Variants in XPO5 observed in about 807,000 individuals in gnomAD.
The protein encoded by XPO5 is exportin-5.
A neutral mutation model predicts 160.6 loss-of-function variants in XPO5; 46 were observed. That is an observed-to-expected ratio of 0.29 (90% confidence interval 0.23 to 0.37). The LOEUF (loss-of-function observed/expected upper bound fraction) is 0.37. Among genes scored for constraint, XPO5 ranks in the 10% least tolerant of loss-of-function variants. The probability of loss-of-function intolerance (pLI) is 1.00; values close to 1 mark genes in which losing one functional copy is unlikely to be tolerated. For synonymous variants in XPO5, 537 were observed against 519.3 expected (o/e 1.03, Z -0.46); for missense variants, 1,090 against 1,463.9 (o/e 0.74, Z 4.17).
intron 24 of XPO5, 32 bp from the exon 25 acceptor site, chr6:43,528,237 A>T (rs1191413164): frequency 6.4e-7 from 1 of 1,568,420 alleles, no homozygotes; most frequent in South Asian, 1.2e-5. Flanking sequence ...AAATGCTAGA[A>T]TTGGGGAAAG....
intron 23 of XPO5, among the ~76,000 whole-genome samples, chr6:43,530,480 A>G (rs149365486): frequency 1.6e-3 from 241 of 152,226 alleles, no homozygotes; most frequent in African/African-American, 5.4e-3. Context: ...GTAAAAATTT[A>G]CCCCTAAGGA....
At chr6:43,525,797 C>G in intron 28 of XPO5, 42 bp downstream of exon 28, 1 of 1,601,150 alleles carries the variant, frequency 6.2e-7, no homozygotes, top group Non-Finnish European at 8.5e-7. Context: ...TGACTCCCCA[C>G]CTGGGCAAGG....
intron 20 of XPO5, among the ~76,000 whole-genome samples, chr6:43,544,665 C>T (rs1215311739): frequency 6.6e-6 from 1 of 152,126 alleles, no homozygotes; most frequent in African/African-American, 2.4e-5. Flanking sequence ...GTGGTTCACA[C>T]TTGTAATGCT....
chr6:43,534,626 C>T (rs560808353), intron 20 of XPO5, among the ~76,000 whole-genome samples: 39 of 152,332 alleles, frequency 2.6e-4, no homozygotes, highest in Middle Eastern at 3.4e-3. Context: ...AAACTGATGG[C>T]TACACGTTTA....
chr6:43,558,387 G>T, intron 12 of XPO5, 114 bp downstream of exon 12: 1 of 879,654 alleles, frequency 1.1e-6, no homozygotes, highest in Non-Finnish European at 1.7e-6. Context: ...TAAGTAGGCT[G>T]CTATCCAGAT....
At chr6:43,558,443 A>G (rs1455767485) in intron 12 of XPO5, 58 bp downstream of exon 12, 3 of 1,452,528 alleles carry the variant, frequency 2.1e-6, no homozygotes, top group African/African-American at 2.8e-5. Context: ...ACCATGATTC[A>G]TAATACTAGA....
chr6:43,530,664 A>C (rs1325162275), intron 23 of XPO5, 24 bp downstream of exon 23: 1 of 1,609,512 alleles, frequency 6.2e-7, no homozygotes, highest in Non-Finnish European at 8.5e-7. Context: ...CTTTTGGGTT[A>C]TGTAGAGACT....
At chr6:43,536,716 C>T (rs753648519) in intron 20 of XPO5, among the ~76,000 whole-genome samples, 9 of 121,326 alleles carry the variant, frequency 7.4e-5, no homozygotes, top group South Asian at 5.8e-4. Flanking sequence ...GCCAAGGTCG[C>T]GCCACTGCAC....
At chr6:43,548,049 C>T (rs1326968677) in intron 18 of XPO5, among the ~76,000 whole-genome samples, 1 of 152,148 alleles carries the variant, frequency 6.6e-6, no homozygotes, top group East Asian at 1.9e-4. Flanking sequence ...GCAATGCAGA[C>T]ACCACAGGAG....
chr6:43,566,214 G>A (rs541798642), intron 7 of XPO5, among the ~76,000 whole-genome samples: 119 of 152,202 alleles, frequency 7.8e-4, no homozygotes, highest in African/African-American at 2.7e-3. Context: ...CCAACATAGT[G>A]AAACCCCATC....
intron 21 of XPO5, 36 bp downstream of exon 21, chr6:43,533,871 G>C (rs1381492923): frequency 1.3e-6 from 2 of 1,501,556 alleles, no homozygotes; most frequent in African/African-American, 1.4e-5. Context: ...TTAGGGATAA[G>C]ATAAACCTTA....
chr6:43,558,766 C>T (rs1247720816), intron 11 of XPO5, among the ~76,000 whole-genome samples, 175 bp from the exon 12 acceptor site: 1 of 152,182 alleles, frequency 6.6e-6, no homozygotes, highest in Non-Finnish European at 1.5e-5. Flanking sequence ...GCTCCCAGTT[C>T]CAGTATTCCT....
intron 27 of XPO5, 42 bp downstream of exon 27, chr6:43,526,643 G>C: frequency 6.2e-7 from 1 of 1,609,172 alleles, no homozygotes; most frequent in Non-Finnish European, 8.5e-7. Context: ...CAGTATTTAG[G>C]AGGCTAAGAG....
At chr6:43,553,631 A>G in intron 13 of XPO5, 128 bp from the exon 14 acceptor site, 6 of 1,434,568 alleles carry the variant, frequency 4.2e-6, no homozygotes, top group Non-Finnish European at 5.5e-6. Flanking sequence ...TGATTGAAGG[A>G]GCAGGGTAAT....
intron 27 of XPO5, 130 bp from the exon 28 acceptor site, chr6:43,526,051 G>C: frequency 2.1e-6 from 2 of 933,682 alleles, no homozygotes; most frequent in Admixed American, 2.2e-5. Context: ...GTAGTACTAG[G>C]AGCCCTCCCA....
In XPO5 at chr6:43,573,466, C is replaced by CA; in HGVS notation, c.227+13dup. Reference sequence around the variant, plus strand: ...TCTCTCAGACTTCAGTGGTAATGTCCAAGAGCTCCTTACTTGACAACGTGT... The same window carrying CA: ...TCTCTCAGACTTCAGTGGTAATGTCCAAAGAGCTCCTTACTTGACAACGTGT... On this transcript the variant is annotated intron_variant, in intron 2 of 31. Coordinates refer to ENST00000265351, the MANE Select transcript of XPO5 (RefSeq NM_020750.3). 1 of 1,612,314 alleles carries CA rather than the reference C, an allele frequency of 6.2e-7. No homozygotes were observed. Among genetic ancestry groups the CA allele is most frequent in the Non-Finnish European group, 8.5e-7 (1 of 1,178,782 alleles).
chr6:43,571,084 A>G (rs933845704), intron 3 of XPO5, 90 bp from the exon 4 acceptor site: 2 of 1,353,064 alleles, frequency 1.5e-6, no homozygotes, highest in Admixed American at 2.3e-5. Context: ...TAAAAAATTT[A>G]TCAGCAGGCC....
chr6:43,522,841 CCT>C lies in XPO5; in HGVS notation c.*1025_*1026del, dbSNP rs1380950415. 1.0e-5 allele frequency: 3 copies of C among 296,284 alleles called. No individual in the cohort carries two copies. Among genetic ancestry groups the C allele is most frequent in the African/African-American group, 6.6e-5 (3 of 45,120 alleles). 18.4% of individuals were successfully genotyped at this position (296,284 alleles called of 1,614,324 possible). A position where few individuals can be genotyped will look rare whatever the true frequency, so the allele number is the denominator to read the frequency against. ...TCAGGGCCAGGTCCCGTATCCATGT[CCT>C]CTCTTTACAGGGCCTTTCAGTGACC... On this transcript the variant is annotated 3_prime_UTR_variant, in exon 32 of 32. Transcript: ENST00000265351.
intron 17 of XPO5, among the ~76,000 whole-genome samples, chr6:43,549,027 T>A (rs1424815909): frequency 5.9e-5 from 9 of 152,192 alleles, no homozygotes; most frequent in Admixed American, 5.9e-4. Context: ...TTTCTAACTA[T>A]ACTACTAAGT....
Sources: allele counts gnomAD v4.1 joint callset (sites outside exome capture counted in the v4.1 genomes callset), GRCh38; gene constraint gnomAD v4.1.1; transcripts MANE v1.5; gene names NCBI Gene and HGNC (gene_info 2026-07-23, HGNC 2026-07-21).